Variants in SORL1 observed in about 807,000 individuals in gnomAD.
The protein encoded by SORL1 is sortilin related receptor 1, also known as sortilin-related receptor.
SORL1 carries 127 observed loss-of-function variants against 273.7 expected under a neutral mutation model. The ratio of observed to expected loss-of-function variants is 0.46; its 90% CI spans 0.40 to 0.54. The LOEUF (loss-of-function observed/expected upper bound fraction) is 0.54, where lower values mean the gene tolerates loss of function less well. SORL1 is among the 20% of genes least tolerant of loss of function. The pLI is 0.00. For missense variants in SORL1, 2,494 were observed against 2,846.1 expected, an observed-to-expected ratio of 0.88 and a Z score of 2.81; for synonymous variants, 1,031 against 1,067.4, an observed-to-expected ratio of 0.97 and a Z score of 0.66.
intron 8 of SORL1, among the ~76,000 whole-genome samples, chr11:121,516,020 T>A (rs1861944237): frequency 6.6e-6 from 1 of 152,238 alleles, no homozygotes; most frequent in Non-Finnish European, 1.5e-5. Flanking sequence ...CCTTTCAATT[T>A]TTTTCCGTTA....
rs11218336 is a variant in SORL1, at chr11:121,550,240, G to A, written c.2180+152G>A. ...AGTTTGGGCAACATTATAAATTATGGTATTTGTAAACTCTCCTACCTCCAC... is the reference window on the plus strand; with the variant it reads ...AGTTTGGGCAACATTATAAATTATGATATTTGTAAACTCTCCTACCTCCAC... On this transcript the variant is annotated intron_variant, in intron 15 of 47. Transcript: ENST00000260197. The surrounding 1 kb of genome is among the most constrained non-coding windows in gnomAD (Gnocchi z 5.3). 1.9e-3 allele frequency: 1,525 copies of A among 796,956 alleles called. 19 individuals carry two copies. In the African/African-American group the frequency reaches 0.022, roughly 11 times the overall value. The allele number at this position is 796,956 out of a possible 1,614,324, so 49.4% of individuals were successfully genotyped here. A position where few individuals can be genotyped will look rare whatever the true frequency, so the allele number is the denominator to read the frequency against.
intron 25 of SORL1, among the ~76,000 whole-genome samples, chr11:121,579,089 C>T (rs575079005): frequency 1.1e-4 from 16 of 152,244 alleles, no homozygotes; most frequent in Non-Finnish European, 2.1e-4. Context: ...ATTTCAGCAG[C>T]ATGTGCCGGT....
chr11:121,508,702 A>G (rs1465456652), intron 6 of SORL1, among the ~76,000 whole-genome samples: 3 of 152,094 alleles, frequency 2.0e-5, no homozygotes, highest in African/African-American at 7.2e-5. Context: ...AGAGAGGGGG[A>G]TGGGATTAGG....
At chr11:121,620,459 T>A (rs185983383) in intron 43 of SORL1, among the ~76,000 whole-genome samples, 3 of 152,290 alleles carry the variant, frequency 2.0e-5, no homozygotes, top group South Asian at 2.1e-4. Context: ...ATTTTTTCCT[T>A]GCTCTGGGTT....
At chr11:121,588,940 T>C (rs1863164445) in intron 28 of SORL1, among the ~76,000 whole-genome samples, 1 of 152,218 alleles carries the variant, frequency 6.6e-6, no homozygotes, top group African/African-American at 2.4e-5. Context: ...CACCTCATTC[T>C]AACGTTTCCT....
At chr11:121,578,272 G>A (rs1361983310) in intron 25 of SORL1, among the ~76,000 whole-genome samples, 6 of 152,014 alleles carry the variant, frequency 3.9e-5, no homozygotes, top group Non-Finnish European at 8.8e-5. Flanking sequence ...TTTTACACTC[G>A]GATAATTCAG....
At position 121,586,941 on chromosome 11, in the gene SORL1, G is replaced by C. The variant is rs990497726; in HGVS notation, c.3814+612G>C. On this transcript the variant is annotated intron_variant, in intron 27 of 47. Coordinates refer to ENST00000260197, the MANE Select transcript of SORL1 (RefSeq NM_003105.6). ...TCCTGGTGATTCTACTGTGCAGTCC[G>C]GGTTGAGAGCTAATGTTATCAGTGC... Among the ~76,000 whole-genome samples the C allele has an allele frequency of 2.6e-5, 4 of 152,228 alleles. 1 individual carries two copies. The South Asian group carries it at 6.2e-4, about 24-fold the overall frequency.
chr11:121,545,544 A>G, intron 14 of SORL1, 115 bp downstream of exon 14: 2 of 943,466 alleles, frequency 2.1e-6, no homozygotes, highest in Non-Finnish European at 3.2e-6. Flanking sequence ...ATAGAAGGAA[A>G]CAAGTATTTG....
Position 121,452,860 on chromosome 11 carries a change from A to G in SORL1, c.285+244A>G. 2.2e-6 allele frequency: 1 copy of G among 450,482 alleles called. No individual in the cohort carries two copies. The allele number at this position is 450,482 out of a possible 1,614,324, so 27.9% of individuals were successfully genotyped here. A position where few individuals can be genotyped will look rare whatever the true frequency, so the allele number is the denominator to read the frequency against. On this transcript the variant is annotated intron_variant, in intron 1 of 47. Transcript: ENST00000260197. The surrounding 1 kb of genome is among the most constrained non-coding windows in gnomAD (Gnocchi z 5.3). The stretch of plus-strand genomic sequence containing the variant: ...CGCCGGGTGCAGTGCGTATTACCCC[A>G]GGGTGTGTGCAGAGAGATGTAGTTT...
intron 47 of SORL1, 123 bp from the exon 48 acceptor site, chr11:121,629,373 C>A: frequency 1.6e-6 from 1 of 639,886 alleles, no homozygotes; most frequent in Non-Finnish European, 2.9e-6. Context: ...GGCTGCCTGG[C>A]TATGGCATTG....
rs939265691 is a variant in SORL1 at position 121,594,715 on chromosome 11, C to T, written c.4370-908C>T. Among the ~76,000 whole-genome samples the T allele has an allele frequency of 2.7e-4, 41 of 152,198 alleles. 1 individual carries two copies. The highest frequency in any genetic ancestry group is 9.2e-4 in the African/African-American group (38 of 41,446). Reference sequence around the variant, plus strand: ...GGGGGTTAGGGCTCTGTTTGGCTTTCTGCCTTTCATGTCAAAGCCTTTTCT... The same window carrying T: ...GGGGGTTAGGGCTCTGTTTGGCTTTTTGCCTTTCATGTCAAAGCCTTTTCT... On this transcript the variant is annotated intron_variant, in intron 31 of 47. Transcript: ENST00000260197.
Position 121,514,299 on chromosome 11 carries a change from G to T in SORL1, c.1189G>T (p.Ala397Ser). 1 of 1,613,948 alleles carries T rather than the reference G, an allele frequency of 6.2e-7. No individual in the cohort carries two copies. Among genetic ancestry groups the T allele is most frequent in the Non-Finnish European group, 8.5e-7 (1 of 1,179,966 alleles). ...ENVLYYSPGGAGSDTLVRYFA... is the reference protein window; with the variant it reads ...ENVLYYSPGGSGSDTLVRYFA... ...CGTGCTCTATTACAGCCCAGGAGGGGCCGGCAGTGACACCTTGGTGAGGTA... is the reference window on the plus strand; with the variant it reads ...CGTGCTCTATTACAGCCCAGGAGGGTCCGGCAGTGACACCTTGGTGAGGTA... The change falls in exon 8 of 48, where the codon GCC becomes TCC. Residue 397 changes from alanine (A) to serine (S), a missense_variant. By Grantham distance (99) the Ala-to-Ser change is moderately conservative (BLOSUM62 1). Transcript: ENST00000260197.
chr11:121,555,086 C>T, intron 17 of SORL1, 101 bp from the exon 18 acceptor site: 2 of 1,277,576 alleles, frequency 1.6e-6, no homozygotes, highest in Non-Finnish European at 2.1e-6. Flanking sequence ...CATCCCTTGC[C>T]AGTCCTGCCA....
intron 5 of SORL1, among the ~76,000 whole-genome samples, chr11:121,496,225 G>T (rs571452809): frequency 2.6e-5 from 4 of 152,332 alleles, no homozygotes; most frequent in South Asian, 4.1e-4. Flanking sequence ...ATCTCCTCAC[G>T]AGAGTGTGGT....
In SORL1 at chr11:121,550,742, C is replaced by T. The variant is rs1296586633; in HGVS notation, c.2266+72C>T. 8.2e-7 allele frequency: 1 copy of T among 1,222,102 alleles called. No homozygotes were observed. The highest frequency in any genetic ancestry group is 2.4e-5 in the East Asian group (1 of 41,830). 75.7% of individuals were successfully genotyped at this position (1,222,102 alleles called of 1,614,324 possible). Reference sequence around the variant, plus strand: ...AGCAGTATCACGATCTCACCCAAGTCCGGGCTTGTGGCTCCTTTAATTGAG... The same window carrying T: ...AGCAGTATCACGATCTCACCCAAGTTCGGGCTTGTGGCTCCTTTAATTGAG... On this transcript the variant is annotated intron_variant, in intron 16 of 47. Transcript: ENST00000260197. The surrounding 1 kb of genome is among the most constrained non-coding windows in gnomAD (Gnocchi z 5.3).
chr11:121,500,411 G>A (rs689021), intron 6 of SORL1, among the ~76,000 whole-genome samples: 61,054 of 152,096 alleles, frequency 0.4, 12,689 homozygotes, highest in East Asian at 0.55. Context: ...AGCCACCCAC[G>A]CCTTGCATGC....
At chr11:121,532,290 A>T (rs1250166648) in intron 11 of SORL1, among the ~76,000 whole-genome samples, 174 bp from the exon 12 acceptor site, 1 of 152,246 alleles carries the variant, frequency 6.6e-6, no homozygotes. Context: ...GATTGTGTGG[A>T]ACAGATGAGA....
intron 21 of SORL1, among the ~76,000 whole-genome samples, chr11:121,565,711 G>C (rs1036484890): frequency 6.6e-6 from 1 of 152,164 alleles, no homozygotes; most frequent in Non-Finnish European, 1.5e-5. Context: ...CCCCATAGTT[G>C]TATCATGTTT....
chr11:121,474,850 T>C (rs1004947950), intron 2 of SORL1, among the ~76,000 whole-genome samples: 3 of 152,274 alleles, frequency 2.0e-5, no homozygotes, highest in East Asian at 3.8e-4. Flanking sequence ...AACTGCACAC[T>C]GGCAGAGGCC....
Sources: allele counts gnomAD v4.1 joint callset (sites outside exome capture counted in the v4.1 genomes callset), GRCh38; gene constraint gnomAD v4.1.1; non-coding constraint Gnocchi (gnomAD v3.1); transcripts MANE v1.5; gene names NCBI Gene and HGNC (gene_info 2026-07-23, HGNC 2026-07-21).